Variants in MYH14 observed in about 807,000 individuals in gnomAD.
The protein encoded by MYH14 is myosin-14.
Under a neutral mutation model 255.5 loss-of-function variants are expected in MYH14, and 123 were observed. The ratio of observed to expected loss-of-function variants is 0.48; its 90% CI spans 0.42 to 0.56. The LOEUF is 0.56. Among genes scored for constraint, MYH14 ranks in the 20% least tolerant of loss-of-function variants. MYH14 has a pLI of 0.00. For missense variants in MYH14, 2,423 were observed against 2,802.3 expected, an observed-to-expected ratio of 0.86 and a Z score of 3.06; for synonymous variants, 1,095 against 1,161.2, an observed-to-expected ratio of 0.94 and a Z score of 1.16.
chr19:50,289,345 A>G (rs967336877), intron 34 of MYH14, 91 bp from the exon 35 acceptor site: 1 of 1,040,882 alleles, frequency 9.6e-7, no homozygotes, highest in African/African-American at 1.6e-5. Context: ...CCATCTCCCC[A>G]TCCTCCATCA....
chr19:50,264,250 G>A (rs1308209992), intron 22 of MYH14, among the ~76,000 whole-genome samples: 4 of 152,098 alleles, frequency 2.6e-5, no homozygotes, highest in Admixed American at 6.6e-5. Flanking sequence ...CCTGAGCCTT[G>A]ATGTCCAGCG....
rs1044752577 is a variant in MYH14, at chr19:50,203,653, G to C, written c.-22G>C. 1 of 152,400 alleles carries C rather than the reference G, an allele frequency of 6.6e-6. No individual in the cohort carries two copies. Among genetic ancestry groups the C allele is most frequent in the African/African-American group, 2.4e-5 (1 of 41,456 alleles). 9.4% of individuals were successfully genotyped at this position (152,400 alleles called of 1,614,324 possible). On this transcript the variant is annotated 5_prime_UTR_variant, in exon 1 of 43. Transcript: ENST00000642316. ...CTCTTTCTCCCCAGGCCGAAGCCTC[G>C]GGACGGCCCTGGAAGCCGGTGAGTG...
chr19:50,292,239 C>A, intron 36 of MYH14, 22 bp from the exon 37 acceptor site: 1 of 1,586,652 alleles, frequency 6.3e-7, no homozygotes, highest in Non-Finnish European at 8.6e-7. Context: ...CTGAGCCCAT[C>A]TACCTATTCC....
intron 8 of MYH14, among the ~76,000 whole-genome samples, chr19:50,227,272 CA>C (rs2033156653): frequency 6.6e-6 from 1 of 152,056 alleles, no homozygotes; most frequent in Non-Finnish European, 1.5e-5. Flanking sequence ...GCAGTATAAG[CA>C]AAGGGAAAAG....
chr19:50,275,251 G>T (rs1289458715), intron 27 of MYH14, among the ~76,000 whole-genome samples: 1 of 152,104 alleles, frequency 6.6e-6, no homozygotes, highest in African/African-American at 2.4e-5. Context: ...AGTTGGTGCT[G>T]CCCCCAGATC....
At chr19:50,272,856 C>A in intron 27 of MYH14, 125 bp downstream of exon 27, 1 of 928,300 alleles carries the variant, frequency 1.1e-6, no homozygotes, top group Non-Finnish European at 1.6e-6. Context: ...CACAGACAGG[C>A]CACATCCCCT....
At chr19:50,301,575 A>G (rs971921020) in intron 39 of MYH14, 86 bp from the exon 40 acceptor site, 28 of 936,728 alleles carry the variant, frequency 3.0e-5, no homozygotes, top group Non-Finnish European at 4.6e-5. Context: ...TCATCAGTGC[A>G]CTTAATTCTC....
intron 5 of MYH14, 122 bp from the exon 6 acceptor site, chr19:50,224,032 T>TGCCCCCCCCCC: frequency 1.6e-6 from 1 of 610,332 alleles, no homozygotes; most frequent in Non-Finnish European, 3.0e-6. Context: ...ATGCCCGGTT[T>TGCCCCCCCCCC]CCCCAGTCCC....
intron 8 of MYH14, among the ~76,000 whole-genome samples, chr19:50,228,663 C>A (rs1277938624): frequency 6.6e-6 from 1 of 152,200 alleles, no homozygotes; most frequent in African/African-American, 2.4e-5. Context: ...TATCCAGGTT[C>A]TTGGAGCTCA....
At chr19:50,212,471 G>C (rs912560890) in intron 2 of MYH14, among the ~76,000 whole-genome samples, 15 of 152,130 alleles carry the variant, frequency 9.9e-5, no homozygotes, top group Admixed American at 6.5e-5. Context: ...CTTCCCTCTG[G>C]GCCAGGGACT....
chr19:50,216,667 A>G (rs1226735622), intron 2 of MYH14, among the ~76,000 whole-genome samples: 3 of 151,910 alleles, frequency 2.0e-5, no homozygotes, highest in African/African-American at 7.3e-5. Flanking sequence ...TGTGTCTATT[A>G]TCAGTAGAAA....
Position 50,221,430 on chromosome 19 carries a change from T to C in MYH14, c.563-1653T>C, listed in dbSNP as rs1198820917. Among the ~76,000 whole-genome samples the C allele has an allele frequency of 6.6e-6, 1 of 152,136 alleles. No homozygotes were observed. The highest frequency in any genetic ancestry group is 1.5e-5 in the Non-Finnish European group (1 of 68,020). On this transcript the variant is annotated intron_variant, in intron 3 of 42. Coordinates refer to ENST00000642316, the MANE Select transcript of MYH14 (RefSeq NM_001145809.2). This position sits in a 1 kb window ranked among gnomAD's most constrained non-coding sequence, Gnocchi z 5.3. ...CTTGAAGACACCCAGAGGATGCCTG[T>C]CCTGCTTAAAAAAACATTCAGACCC...
chr19:50,280,535 C>T lies in MYH14; in HGVS notation c.4290+152C>T, dbSNP rs1207203830. Among the ~76,000 whole-genome samples, 2 of 152,184 alleles carry T rather than the reference C, an allele frequency of 1.3e-5. No homozygotes were observed. Among genetic ancestry groups the T allele is most frequent in the African/African-American group, 4.8e-5 (2 of 41,432 alleles). Reference sequence around the variant, plus strand: ...ATCTCTGACTCCCCCTTACCCCCCACAGCCCATGCCCAGCCCTGGCTGTCC... The same window carrying T: ...ATCTCTGACTCCCCCTTACCCCCCATAGCCCATGCCCAGCCCTGGCTGTCC... On this transcript the variant is annotated intron_variant, in intron 32 of 42. Coordinates refer to ENST00000642316, the MANE Select transcript of MYH14 (RefSeq NM_001145809.2). The surrounding 1 kb of genome is among the most constrained non-coding windows in gnomAD (Gnocchi z 4.8).
At position 50,271,471 on chromosome 19, in the gene MYH14, G is replaced by A. The variant is rs2035297807; in HGVS notation, c.3096G>A (p.Val1032=). Residue 1032 remains valine, a synonymous_variant, in exon 25 of 43, where the codon GTG becomes GTA. Coordinates refer to ENST00000642316, the MANE Select transcript of MYH14 (RefSeq NM_001145809.2). ...GARQKLQLEK[V]TTEAKMKKFE... is the part of the protein sequence containing the mutation. Reference sequence around the variant, plus strand: ...GGCAGAAGCTGCAGCTGGAGAAGGTGACGACAGAGGCAAAAATGAAGAAAT... The same window carrying A: ...GGCAGAAGCTGCAGCTGGAGAAGGTAACGACAGAGGCAAAAATGAAGAAAT... 1.2e-6 allele frequency: 2 copies of A among 1,608,172 alleles called. No homozygotes were observed. Among genetic ancestry groups the A allele is most frequent in the Non-Finnish European group, 8.5e-7 (1 of 1,177,406 alleles).
chr19:50,304,130 T>C (rs762776757), intron 40 of MYH14, among the ~76,000 whole-genome samples: 20 of 152,224 alleles, frequency 1.3e-4, no homozygotes, highest in Non-Finnish European at 2.9e-4. Context: ...TTATCCTATT[T>C]TGCATGTAGA....
At chr19:50,251,868 G>A (rs1046253983) in intron 15 of MYH14, among the ~76,000 whole-genome samples, 5 of 152,212 alleles carry the variant, frequency 3.3e-5, no homozygotes, top group East Asian at 3.9e-4. Flanking sequence ...GTGAGCCACC[G>A]CGCCCAGCCC....
chr19:50,310,161 T>G lies in MYH14; in HGVS notation c.*371T>G. ...CACCATCCTCAGCCAGTGCAACCCATTCCCTCTGCTTCTCTCTCTCTCTCT... is the reference window on the plus strand; with the variant it reads ...CACCATCCTCAGCCAGTGCAACCCAGTCCCTCTGCTTCTCTCTCTCTCTCT... On this transcript the variant is annotated 3_prime_UTR_variant, in exon 43 of 43. Coordinates refer to ENST00000642316, the MANE Select transcript of MYH14 (RefSeq NM_001145809.2). The G allele has an allele frequency of 1.1e-4, 32 of 283,330 alleles. No homozygotes were observed. The highest frequency in any genetic ancestry group is 1.1e-3 in the Middle Eastern group (1 of 900). The allele number at this position is 283,330 out of a possible 1,614,324, so 17.6% of individuals were successfully genotyped here.
chr19:50,234,190 A>G (rs2033550753), intron 10 of MYH14, among the ~76,000 whole-genome samples: 2 of 152,050 alleles, frequency 1.3e-5, no homozygotes. Context: ...CAATACTGTC[A>G]CATTCTGAGG....
chr19:50,272,921 C>G (rs552212257), intron 27 of MYH14, among the ~76,000 whole-genome samples, 190 bp downstream of exon 27: 7 of 152,228 alleles, frequency 4.6e-5, no homozygotes, highest in Non-Finnish European at 8.8e-5. Context: ...TCCAGGCCCA[C>G]TAGGTTAAGG....
Sources: allele counts gnomAD v4.1 joint callset (sites outside exome capture counted in the v4.1 genomes callset), GRCh38; gene constraint gnomAD v4.1.1; non-coding constraint Gnocchi (gnomAD v3.1); transcripts MANE v1.5; gene names NCBI Gene and HGNC (gene_info 2026-07-23, HGNC 2026-07-21).